PDZD2: variants seen among roughly 807,000 people sequenced by gnomAD.
PDZD2 encodes PDZ domain-containing protein 2.
A neutral mutation model predicts 220.7 loss-of-function variants in PDZD2; 90 were observed. That is an observed-to-expected ratio of 0.41 (90% CI 0.34 to 0.49). The LOEUF (loss-of-function observed/expected upper bound fraction) is 0.49. PDZD2 is among the 20% of genes least tolerant of loss of function. The pLI is 0.28. For synonymous variants in PDZD2, 1,375 were observed against 1,450.5 expected (o/e 0.95, Z 1.18); for missense variants, 3,174 against 3,608.5 (o/e 0.88, Z 3.08).
At chr5:31,780,495 A>T (rs1264373267) in intron 1 of PDZD2, among the ~76,000 whole-genome samples, 1 of 152,190 alleles carries the variant, frequency 6.6e-6, no homozygotes, top group Middle Eastern at 3.2e-3. Flanking sequence ...TTTTATTCGA[A>T]GTCAAAGAAA....
intron 7 of PDZD2, among the ~76,000 whole-genome samples, chr5:32,046,000 C>T (rs1581367329): frequency 6.6e-6 from 1 of 151,994 alleles, no homozygotes; most frequent in African/African-American, 2.4e-5. Flanking sequence ...TGAAACATTA[C>T]CTAGTCTAGG....
intron 2 of PDZD2, among the ~76,000 whole-genome samples, chr5:31,845,212 T>G (rs1011774934): frequency 6.6e-6 from 1 of 152,140 alleles, no homozygotes; most frequent in African/African-American, 2.4e-5. Context: ...GCTTACAATA[T>G]CAGGCATCAT....
At chr5:31,649,040 GT>G (rs1237750873) in intron 1 of PDZD2, among the ~76,000 whole-genome samples, 1 of 152,050 alleles carries the variant, frequency 6.6e-6, no homozygotes, top group Non-Finnish European at 1.5e-5. Context: ...ACCCAGAGGG[GT>G]TTTTTTGTTT....
chr5:32,002,959 CACACACCAACACA>C, intron 5 of PDZD2, among the ~76,000 whole-genome samples: 1 of 129,214 alleles, frequency 7.7e-6, no homozygotes, highest in Non-Finnish European at 1.6e-5. Context: ...ACACACCACA[CACACACCAACACA>C]CACACACCAC....
rs1005537755 is a variant in PDZD2, at chr5:32,060,894, A to G, written c.2319-108A>G. 15 of 1,015,418 alleles carry G rather than the reference A, an allele frequency of 1.5e-5. No homozygotes were observed. In the African/African-American group the frequency reaches 1.9e-4, roughly 13 times the overall value. 62.9% of individuals were successfully genotyped at this position (1,015,418 alleles called of 1,614,324 possible). Reference sequence around the variant, plus strand: ...CGGGAAAAGATATGAGCTTCTTTAAAGTATTCAGAAAAGATTTCATATTAT... The same window carrying G: ...CGGGAAAAGATATGAGCTTCTTTAAGGTATTCAGAAAAGATTTCATATTAT... On this transcript the variant is annotated intron_variant, in intron 13 of 24. Transcript: ENST00000438447.
intron 1 of PDZD2, among the ~76,000 whole-genome samples, chr5:31,775,365 G>T (rs1752580069): frequency 6.6e-6 from 1 of 151,838 alleles, no homozygotes; most frequent in South Asian, 2.1e-4. Context: ...ATGTGATGCT[G>T]CAGAAGCATG....
At chr5:31,798,567 TG>T (rs1461669897) in intron 1 of PDZD2, among the ~76,000 whole-genome samples, 1 of 152,168 alleles carries the variant, frequency 6.6e-6, no homozygotes, top group Non-Finnish European at 1.5e-5. Flanking sequence ...CACAGGGTCT[TG>T]TCACACAGCC....
intron 14 of PDZD2, among the ~76,000 whole-genome samples, chr5:32,063,916 A>AC (rs767288385): frequency 3.3e-5 from 5 of 152,184 alleles, no homozygotes; most frequent in Non-Finnish European, 5.9e-5. Flanking sequence ...GAAAGACAAG[A>AC]CCCAATTTAA....
chr5:31,683,639 G>A (rs1746737574), intron 1 of PDZD2, among the ~76,000 whole-genome samples: 1 of 152,090 alleles, frequency 6.6e-6, no homozygotes, highest in South Asian at 2.1e-4. Flanking sequence ...AGCTCATAAA[G>A]GTTTCCTGCA....
intron 16 of PDZD2, among the ~76,000 whole-genome samples, chr5:32,071,770 G>A (rs114597677): frequency 0.01 from 1,564 of 152,310 alleles, 11 homozygotes; most frequent in Non-Finnish European, 0.016. Flanking sequence ...GTCTCAGTGC[G>A]TCAGGGTGCA....
chr5:31,756,030 T>C (rs758100235), intron 1 of PDZD2, among the ~76,000 whole-genome samples: 4 of 152,104 alleles, frequency 2.6e-5, no homozygotes, highest in Non-Finnish European at 5.9e-5. Context: ...TGACCACTGA[T>C]GTGTGAAGGG....
At chr5:31,888,709 T>A (rs1324043591) in intron 2 of PDZD2, among the ~76,000 whole-genome samples, 1 of 152,156 alleles carries the variant, frequency 6.6e-6, no homozygotes, top group African/African-American at 2.4e-5. Flanking sequence ...CTGTTGAGGA[T>A]GTAGTTTTTC....
At chr5:31,858,935 C>T (rs552173504) in intron 2 of PDZD2, among the ~76,000 whole-genome samples, 5 of 152,078 alleles carry the variant, frequency 3.3e-5, no homozygotes, top group African/African-American at 1.2e-4. Context: ...CCCAGGCTGG[C>T]CTTGAACTCC....
rs1745482964 is a variant in PDZD2, at chr5:31,933,561, G to A, written c.477-49594G>A. 2.0e-5 allele frequency among the ~76,000 whole-genome samples: 3 copies of A among 152,048 alleles called. No individual in the cohort carries two copies. In the South Asian group the frequency reaches 6.2e-4, roughly 32 times the overall value. The stretch of plus-strand genomic sequence containing the variant: ...TGGGAGAATCTTAGGTGTGTCCCTA[G>A]GCTGGGCTTTGTGACCCGCTGGACA... On this transcript the variant is annotated intron_variant, in intron 2 of 24. Coordinates refer to ENST00000438447, the MANE Select transcript of PDZD2 (RefSeq NM_178140.4).
chr5:31,912,041 C>T (rs185638319), intron 2 of PDZD2, among the ~76,000 whole-genome samples: 95 of 152,290 alleles, frequency 6.2e-4, no homozygotes, highest in Middle Eastern at 6.8e-3. Context: ...CCACCCTGGC[C>T]CCGGCCCCAG....
At chr5:31,764,575 G>A (rs188754649) in intron 1 of PDZD2, among the ~76,000 whole-genome samples, 2 of 152,226 alleles carry the variant, frequency 1.3e-5, no homozygotes, top group African/African-American at 2.4e-5. Context: ...TGGCAGAAAG[G>A]ACTTTTGTTT....
At chr5:31,781,247 C>G (rs772396656) in intron 1 of PDZD2, among the ~76,000 whole-genome samples, 77 of 152,290 alleles carry the variant, frequency 5.1e-4, no homozygotes, top group Admixed American at 1.6e-3. Flanking sequence ...AACCCTGTCT[C>G]TACTAAAAAT....
intron 1 of PDZD2, among the ~76,000 whole-genome samples, chr5:31,669,483 C>A (rs1475680960): frequency 6.6e-6 from 1 of 152,090 alleles, no homozygotes; most frequent in Admixed American, 6.5e-5. Context: ...CTGGCTGCCC[C>A]CTGTCCTGGC....
At chr5:31,854,791 G>A (rs1386623868) in intron 2 of PDZD2, 2 of 176,306 alleles carry the variant, frequency 1.1e-5, no homozygotes, top group African/African-American at 2.4e-5. Flanking sequence ...GGCGAGGGGA[G>A]TGACCGGGGA....
Sources: gnomAD v4.1 joint callset for allele counts (sites outside exome capture counted in the v4.1 genomes callset) on GRCh38, gnomAD v4.1.1 for gene constraint, MANE v1.5 for transcripts, NCBI Gene and HGNC (gene_info 2026-07-23, HGNC 2026-07-21) for gene names.